The following SLCO4C1 variants were observed in gnomAD, a reference collection of about 807,000 sequenced individuals.
The protein encoded by SLCO4C1 is organic anion transporter M1.
Under a neutral mutation model 72.1 loss-of-function variants are expected in SLCO4C1, and 58 were observed. That is an observed-to-expected ratio of 0.80 (90% CI 0.65 to 1.00). The LOEUF is 1.00. SLCO4C1 is among the 50% of genes least tolerant of loss of function. The probability of loss-of-function intolerance (pLI) is 0.00; values close to 1 mark genes in which losing one functional copy is unlikely to be tolerated. For synonymous variants in SLCO4C1, 297 were observed against 312.5 expected (o/e 0.95, Z 0.52); for missense variants, 898 against 857.9 (o/e 1.05, Z -0.58).
chr5:102,277,770 AC>A (rs943365973), intron 2 of SLCO4C1, among the ~76,000 whole-genome samples: 3 of 151,970 alleles, frequency 2.0e-5, no homozygotes, highest in African/African-American at 7.3e-5. Flanking sequence ...TTAAATAAGA[AC>A]CAGAGTCTAA....
At chr5:102,276,859 C>T (rs1017449422) in intron 2 of SLCO4C1, among the ~76,000 whole-genome samples, 1 of 152,156 alleles carries the variant, frequency 6.6e-6, no homozygotes, top group Admixed American at 6.5e-5. Flanking sequence ...GACTGTGTGC[C>T]TTGATGGAAA....
intron 3 of SLCO4C1, among the ~76,000 whole-genome samples, chr5:102,266,310 G>A (rs982440975): frequency 6.6e-6 from 1 of 152,068 alleles, no homozygotes; most frequent in African/African-American, 2.4e-5. Context: ...TCTTGCCTAA[G>A]TGCTCTGAAT....
Position 102,263,709 on chromosome 5 carries a change from A to T in SLCO4C1, c.874T>A (p.Tyr292Asn), listed in dbSNP as rs1418138478. The change falls in exon 4 of 13, where the codon TAC becomes AAC. Residue 292 changes from tyrosine to asparagine, a missense_variant. Physicochemically the swap from Tyr to Asn is moderately radical, Grantham distance 143. Coordinates refer to ENST00000310954, the MANE Select transcript of SLCO4C1 (RefSeq NM_180991.5). ...YVLGGQLLTI[Y>N]IDVAMGESTD... ...CTTTCTCCCATAGCAACATCAATGT[A>T]TATGGTTAGCAGTTGTCCTCCCAAT... 6.2e-7 allele frequency: 1 copy of T among 1,612,774 alleles called. No individual in the cohort carries two copies. The highest frequency in any genetic ancestry group is 8.5e-7 in the Non-Finnish European group (1 of 1,179,242).
chr5:102,266,025 C>T (rs945141176), intron 3 of SLCO4C1, among the ~76,000 whole-genome samples: 2 of 151,992 alleles, frequency 1.3e-5, no homozygotes, highest in African/African-American at 2.4e-5. Flanking sequence ...AGATTCTCGC[C>T]TCCTGGGTTA....
intron 12 of SLCO4C1, 115 bp from the exon 13 acceptor site, chr5:102,237,133 T>C (rs1748452243): frequency 3.7e-5 from 40 of 1,072,404 alleles, no homozygotes; most frequent in Non-Finnish European, 5.1e-5. Flanking sequence ...ACATAACCAT[T>C]ATAGTTCTAT....
intron 10 of SLCO4C1, among the ~76,000 whole-genome samples, chr5:102,244,784 A>G (rs540198594): frequency 9.9e-5 from 15 of 152,182 alleles, no homozygotes; most frequent in Non-Finnish European, 1.9e-4. Flanking sequence ...TTAGAATAGT[A>G]TATCTGGTTA....
chr5:102,242,206 A>G (rs1030771009), intron 10 of SLCO4C1, among the ~76,000 whole-genome samples: 11 of 152,206 alleles, frequency 7.2e-5, no homozygotes, highest in Non-Finnish European at 1.5e-4. Flanking sequence ...TGCTTACAAA[A>G]CAACTCACCA....
At chr5:102,242,373 G>A (rs923871588) in intron 10 of SLCO4C1, among the ~76,000 whole-genome samples, 3 of 152,148 alleles carry the variant, frequency 2.0e-5, no homozygotes, top group Non-Finnish European at 4.4e-5. Flanking sequence ...GACAGACAAT[G>A]GAGTCCTGGT....
rs753607539 is a variant in SLCO4C1 at position 102,237,008 on chromosome 5, AC to A, written c.2024del (p.Cys675LeufsTer34). The A allele has an allele frequency of 6.9e-6, 11 of 1,600,028 alleles. No individual in the cohort carries two copies. The South Asian group carries it at 1.1e-4, about 17-fold the overall frequency. On this transcript the variant is annotated frameshift_variant, in exon 13 of 13. Coordinates refer to ENST00000310954, the MANE Select transcript of SLCO4C1 (RefSeq NM_180991.5). LOFTEE classifies it low-confidence loss of function (END_TRUNC). ...CATTGAAGAACATGGTGATAACTTTACAAGTAACACCTAAGTGAAAAAAAAA... is the reference window on the plus strand; with the variant it reads ...CATTGAAGAACATGGTGATAACTTTAAAGTAACACCTAAGTGAAAAAAAAA... ...AHMLVAISVT[C>X]KVITMFFNGF...
chr5:102,254,655 A>T (rs1748800503), intron 8 of SLCO4C1, among the ~76,000 whole-genome samples: 1 of 152,212 alleles, frequency 6.6e-6, no homozygotes, highest in Non-Finnish European at 1.5e-5. Context: ...AAAAAATTAC[A>T]ACTTGCTGAA....
At chr5:102,271,769 A>G (rs899818819) in intron 2 of SLCO4C1, among the ~76,000 whole-genome samples, 1 of 152,048 alleles carries the variant, frequency 6.6e-6, no homozygotes, top group Non-Finnish European at 1.5e-5. Flanking sequence ...TCCTTATTCC[A>G]TAATTACACA....
At chr5:102,285,280 T>G (rs1415122041) in intron 2 of SLCO4C1, among the ~76,000 whole-genome samples, 1 of 151,118 alleles carries the variant, frequency 6.6e-6, no homozygotes, top group Non-Finnish European at 1.5e-5. Context: ...CACATATATA[T>G]TTTTTTTTGT....
intron 3 of SLCO4C1, 61 bp downstream of exon 3, chr5:102,270,563 T>C: frequency 1.4e-6 from 2 of 1,412,616 alleles, no homozygotes; most frequent in Non-Finnish European, 9.4e-7. Flanking sequence ...TATACTTTAC[T>C]TCTAAAGTGA....
intron 2 of SLCO4C1, among the ~76,000 whole-genome samples, chr5:102,281,338 A>C (rs1036411940): frequency 6.6e-6 from 1 of 152,126 alleles, no homozygotes; most frequent in Non-Finnish European, 1.5e-5. Flanking sequence ...AAACTATAAA[A>C]CTTTTTTTAA....
At chr5:102,243,047 C>T (rs1038520241) in intron 10 of SLCO4C1, among the ~76,000 whole-genome samples, 10 of 152,122 alleles carry the variant, frequency 6.6e-5, no homozygotes, top group Non-Finnish European at 1.3e-4. Context: ...CATAAAGGAA[C>T]ATTGGTGGTA....
intron 2 of SLCO4C1, among the ~76,000 whole-genome samples, chr5:102,286,216 GA>G (rs1391283505): frequency 6.6e-6 from 1 of 152,048 alleles, no homozygotes; most frequent in African/African-American, 2.4e-5. Context: ...AGGGAAAGGA[GA>G]TGGAAAAGAG....
chr5:102,234,317 A>T lies in SLCO4C1; in HGVS notation c.*2541T>A, dbSNP rs1187130046. 1.3e-5 allele frequency: 2 copies of T among 152,648 alleles called. No individual in the cohort carries two copies. The highest frequency in any genetic ancestry group is 1.3e-4 in the Admixed American group (2 of 15,278). 9.5% of individuals were successfully genotyped at this position (152,648 alleles called of 1,614,324 possible). A position where few individuals can be genotyped will look rare whatever the true frequency, so the allele number is the denominator to read the frequency against. On this transcript the variant is annotated 3_prime_UTR_variant, in exon 13 of 13. Coordinates refer to ENST00000310954, the MANE Select transcript of SLCO4C1 (RefSeq NM_180991.5). Reference sequence around the variant, plus strand: ...TAGAAGTATCACATCAACTCATATGATCTAGGTGAACCCAAAAGTAAAAAA... The same window carrying T: ...TAGAAGTATCACATCAACTCATATGTTCTAGGTGAACCCAAAAGTAAAAAA...
chr5:102,253,909 A>C (rs1748787130), intron 8 of SLCO4C1, among the ~76,000 whole-genome samples: 1 of 152,006 alleles, frequency 6.6e-6, no homozygotes, highest in South Asian at 2.1e-4. Flanking sequence ...TACCCAGGTA[A>C]CAAATCTGCA....
chr5:102,284,644 T>TC (rs1263214169), intron 2 of SLCO4C1, among the ~76,000 whole-genome samples: 1 of 148,130 alleles, frequency 6.8e-6, no homozygotes, highest in Non-Finnish European at 1.5e-5. Flanking sequence ...TTTTTTTTTT[T>TC]CCAAACTCAT....
Sources: allele counts gnomAD v4.1 joint callset (sites outside exome capture counted in the v4.1 genomes callset), GRCh38; gene constraint gnomAD v4.1.1; transcripts MANE v1.5; gene names NCBI Gene and HGNC (gene_info 2026-07-23, HGNC 2026-07-21).